The following ADCY2 variants were observed in gnomAD, a reference collection of about 807,000 sequenced individuals.
ADCY2 encodes the protein adenylate cyclase type 2.
In ADCY2, 31 loss-of-function variants were observed where a neutral mutation model predicts 125.2. That is an observed-to-expected ratio of 0.25 (90% confidence interval 0.19 to 0.33). The LOEUF is 0.33. ADCY2 is among the 10% of genes least tolerant of loss of function. The pLI is 1.00. For synonymous variants in ADCY2, 512 were observed against 548.4 expected (o/e 0.93, Z 0.93); for missense variants, 904 against 1,418.2 (o/e 0.64, Z 5.82).
intron 5 of ADCY2, among the ~76,000 whole-genome samples, chr5:7,694,298 T>G (rs1259840196): frequency 6.6e-6 from 1 of 152,228 alleles, no homozygotes; most frequent in African/African-American, 2.4e-5. Context: ...ACATAACATT[T>G]ACAATTGCAA....
At chr5:7,681,789 A>T (rs1291160984) in intron 4 of ADCY2, among the ~76,000 whole-genome samples, 1 of 152,148 alleles carries the variant, frequency 6.6e-6, no homozygotes, top group Non-Finnish European at 1.5e-5. Context: ...ACCATTTAAA[A>T]AAAGGGGGGC....
At chr5:7,459,479 A>C (rs2126436068) in intron 2 of ADCY2, among the ~76,000 whole-genome samples, 1 of 152,302 alleles carries the variant, frequency 6.6e-6, no homozygotes, top group African/African-American at 2.4e-5. Flanking sequence ...TTTCGAAGAC[A>C]GTTTTGAGAT....
intron 2 of ADCY2, among the ~76,000 whole-genome samples, chr5:7,489,741 A>G (rs1055419378): frequency 2.0e-5 from 3 of 152,198 alleles, no homozygotes; most frequent in African/African-American, 7.2e-5. Flanking sequence ...TTGGACTGAG[A>G]GTACCCAGGA....
chr5:7,508,693 T>A (rs961848104), intron 2 of ADCY2, among the ~76,000 whole-genome samples: 15 of 152,214 alleles, frequency 9.9e-5, no homozygotes, highest in Non-Finnish European at 1.8e-4. Context: ...ACACTTCACC[T>A]GCCGGCTTCC....
At chr5:7,521,297 AC>A (rs955722422) in intron 3 of ADCY2, among the ~76,000 whole-genome samples, 1 of 151,994 alleles carries the variant, frequency 6.6e-6, no homozygotes, top group African/African-American at 2.4e-5. Context: ...GATATTCAAA[AC>A]CCTCTTTACA....
At chr5:7,769,247 AAAAG>A (rs2066074734) in intron 17 of ADCY2, among the ~76,000 whole-genome samples, 1 of 152,224 alleles carries the variant, frequency 6.6e-6, no homozygotes, top group Admixed American at 6.5e-5. Context: ...AACATCAACA[AAAAG>A]AAAGAAAACA....
At chr5:7,513,106 C>CACACACACACACACACAGAGAG (rs777343291) in intron 2 of ADCY2, among the ~76,000 whole-genome samples, 1 of 138,432 alleles carries the variant, frequency 7.2e-6, no homozygotes, top group Non-Finnish European at 1.6e-5. Context: ...CACACACACA[C>CACACACACACACACACAGAGAG]AGAGAGAGAG....
chr5:7,801,698 G>A (rs1287608052), intron 20 of ADCY2: 1 of 152,480 alleles, frequency 6.6e-6, no homozygotes, highest in Non-Finnish European at 1.5e-5. Flanking sequence ...AATATAGTCA[G>A]TGTCTAATAT....
At chr5:7,524,401 A>G (rs7717219) in intron 3 of ADCY2, among the ~76,000 whole-genome samples, 34,110 of 152,028 alleles carry the variant, frequency 0.22, 4,000 homozygotes, top group African/African-American at 0.3. Context: ...AGACACCTGC[A>G]AACACTGGGA....
intron 4 of ADCY2, among the ~76,000 whole-genome samples, chr5:7,642,355 AT>A (rs2126674829): frequency 6.6e-6 from 1 of 152,070 alleles, no homozygotes; most frequent in African/African-American, 2.4e-5. Context: ...TCTTTTTCCC[AT>A]TTTTAATGGG....
intron 23 of ADCY2, among the ~76,000 whole-genome samples, chr5:7,819,735 A>T (rs1485887881): frequency 6.6e-6 from 1 of 152,216 alleles, no homozygotes; most frequent in African/African-American, 2.4e-5. Flanking sequence ...CAGGGATAGC[A>T]AAGTGGAAGA....
rs893684191 is a variant in ADCY2, at chr5:7,450,348, G to A, written c.408+35578G>A. On this transcript the variant is annotated intron_variant, in intron 2 of 24. Transcript: ENST00000338316. ...TGCTGATATAGAGAAAGTTTGAGTG[G>A]TCTGGCTGGAAGATCAAATCAGTCA... Among the ~76,000 whole-genome samples, 3 of 152,166 alleles carry A rather than the reference G, an allele frequency of 2.0e-5. No individual in the cohort carries two copies. The East Asian group carries it at 5.8e-4, about 29-fold the overall frequency.
chr5:7,593,561 G>GA (rs112451499), intron 3 of ADCY2, among the ~76,000 whole-genome samples: 3,665 of 148,596 alleles, frequency 0.025, 135 homozygotes, highest in African/African-American at 0.084. Flanking sequence ...GATAGGATGA[G>GA]AAAAAAAAAA....
chr5:7,489,815 G>T (rs35228737), intron 2 of ADCY2, among the ~76,000 whole-genome samples: 4 of 150,370 alleles, frequency 2.7e-5, no homozygotes, highest in African/African-American at 9.8e-5. Context: ...TTCTGCTTCA[G>T]TGTGTGTGTG....
intron 4 of ADCY2, among the ~76,000 whole-genome samples, chr5:7,645,051 T>A (rs1738848396): frequency 6.6e-6 from 1 of 152,182 alleles, no homozygotes; most frequent in South Asian, 2.1e-4. Context: ...TTGTGAATCC[T>A]TAGAAACCCT....
At chr5:7,533,963 A>AT (rs1734734926) in intron 3 of ADCY2, among the ~76,000 whole-genome samples, 1 of 152,130 alleles carries the variant, frequency 6.6e-6, no homozygotes, top group African/African-American at 2.4e-5. Flanking sequence ...GCCAATGGAG[A>AT]TGCTGACTGT....
At chr5:7,481,550 A>G (rs1742732354) in intron 2 of ADCY2, among the ~76,000 whole-genome samples, 1 of 151,000 alleles carries the variant, frequency 6.6e-6, no homozygotes, top group African/African-American at 2.4e-5. Flanking sequence ...TACAGGCGTG[A>G]GCCACCACGC....
At chr5:7,616,076 A>G (rs1275529645) in intron 3 of ADCY2, among the ~76,000 whole-genome samples, 1 of 152,196 alleles carries the variant, frequency 6.6e-6, no homozygotes, top group Admixed American at 6.5e-5. Context: ...TCACTAAGTA[A>G]TAAACAAAAC....
chr5:7,431,211 A>G (rs1471349245), intron 2 of ADCY2, among the ~76,000 whole-genome samples: 1 of 152,210 alleles, frequency 6.6e-6, no homozygotes, highest in Non-Finnish European at 1.5e-5. Flanking sequence ...GGCCAATGGG[A>G]TACACTAGAC....
Sources: gnomAD v4.1 joint callset for allele counts (sites outside exome capture counted in the v4.1 genomes callset) on GRCh38, gnomAD v4.1.1 for gene constraint, MANE v1.5 for transcripts, NCBI Gene and HGNC (gene_info 2026-07-23, HGNC 2026-07-21) for gene names.